Variants in MYO1D observed in about 807,000 individuals in gnomAD.
MYO1D encodes myosin ID, also known as unconventional myosin-Id.
MYO1D carries 83 observed loss-of-function variants against 122.0 expected under a neutral mutation model. That is an observed-to-expected ratio of 0.68 (90% CI 0.57 to 0.82). The LOEUF is 0.82. Ranked by LOEUF, MYO1D falls within the 40% of genes least tolerant of loss-of-function variation. The pLI, the probability that MYO1D is intolerant of heterozygous loss-of-function variation, is 0.00. For missense variants in MYO1D, 1,157 were observed against 1,269.5 expected, an observed-to-expected ratio of 0.91 and a Z score of 1.35; for synonymous variants, 464 against 446.9, an observed-to-expected ratio of 1.04 and a Z score of -0.48.
At chr17:32,497,738 C>G (rs1001201120) in intron 21 of MYO1D, 23 of 152,596 alleles carry the variant, frequency 1.5e-4, no homozygotes, top group African/African-American at 4.8e-4. Flanking sequence ...CACTGCCGGG[C>G]CAGCCCCTCT....
chr17:32,759,905 G>A, intron 10 of MYO1D: 1 of 523,094 alleles, frequency 1.9e-6, no homozygotes, highest in Non-Finnish European at 3.4e-6. Context: ...CTACAAAGTA[G>A]AAGAGGAGAA....
chr17:32,874,247 TTC>T (rs1372824350), intron 1 of MYO1D, among the ~76,000 whole-genome samples: 1 of 148,722 alleles, frequency 6.7e-6, no homozygotes, highest in Non-Finnish European at 1.5e-5. Context: ...TTCTTTTCCT[TTC>T]TTTTTTTCTT....
intron 10 of MYO1D, chr17:32,756,381 T>C (rs2151013764): frequency 4.8e-6 from 1 of 208,694 alleles, no homozygotes; most frequent in Middle Eastern, 1.6e-3. Flanking sequence ...ACAGCCTTAC[T>C]CTGATTCAGC....
chr17:32,699,176 G>A (rs1339636807), intron 16 of MYO1D, among the ~76,000 whole-genome samples: 1 of 151,926 alleles, frequency 6.6e-6, no homozygotes, highest in Admixed American at 6.6e-5. Flanking sequence ...TGTTGGCCAG[G>A]CTGGTCTCGA....
intron 21 of MYO1D, among the ~76,000 whole-genome samples, chr17:32,555,578 A>G (rs561468817): frequency 1.2e-4 from 18 of 151,836 alleles, no homozygotes; most frequent in African/African-American, 4.3e-4. Context: ...TCTGTTGCAT[A>G]AAACCAAAAT....
At chr17:32,873,819 A>G (rs879464394) in intron 1 of MYO1D, among the ~76,000 whole-genome samples, 1 of 152,102 alleles carries the variant, frequency 6.6e-6, no homozygotes, top group Non-Finnish European at 1.5e-5. Flanking sequence ...ATACATACAA[A>G]TACATATACA....
chr17:32,692,198 G>A (rs1294451798), intron 16 of MYO1D, among the ~76,000 whole-genome samples: 1 of 152,108 alleles, frequency 6.6e-6, no homozygotes, highest in Non-Finnish European at 1.5e-5. Flanking sequence ...TTCTGTTTTA[G>A]GTTAGCAAAA....
intron 14 of MYO1D, chr17:32,734,640 G>C (rs2151000450): frequency 1.3e-5 from 2 of 152,232 alleles, no homozygotes; most frequent in Non-Finnish European, 2.9e-5. Flanking sequence ...AATTTCCATT[G>C]TGATTTCTTC....
intron 21 of MYO1D, among the ~76,000 whole-genome samples, chr17:32,531,017 C>T (rs1910493446): frequency 6.6e-6 from 1 of 152,108 alleles, no homozygotes; most frequent in South Asian, 2.1e-4. Flanking sequence ...AGAACTGATC[C>T]TCCCTCACTG....
intron 21 of MYO1D, among the ~76,000 whole-genome samples, chr17:32,503,851 C>A (rs993823896): frequency 1.3e-5 from 2 of 152,164 alleles, no homozygotes; most frequent in East Asian, 3.8e-4. Context: ...AGAAGTAAAT[C>A]CCCCTGCTGA....
chr17:32,542,405 G>A (rs151282130), intron 21 of MYO1D, among the ~76,000 whole-genome samples: 143 of 152,232 alleles, frequency 9.4e-4, no homozygotes, highest in Admixed American at 2.6e-3. Context: ...TCCGTGGTGC[G>A]ACAGGGAGGG....
At chr17:32,640,277 T>A (rs184496704) in intron 19 of MYO1D, among the ~76,000 whole-genome samples, 1 of 152,346 alleles carries the variant, frequency 6.6e-6, no homozygotes, top group East Asian at 1.9e-4. Flanking sequence ...GTCAGAAAAC[T>A]TGAAACACAG....
At chr17:32,834,696 C>T (rs2090804747) in intron 1 of MYO1D, among the ~76,000 whole-genome samples, 1 of 152,178 alleles carries the variant, frequency 6.6e-6, no homozygotes, top group Non-Finnish European at 1.5e-5. Flanking sequence ...TTACCTGCCC[C>T]AAAACAAACA....
At chr17:32,643,504 G>A (rs1014314730) in intron 19 of MYO1D, among the ~76,000 whole-genome samples, 1 of 152,190 alleles carries the variant, frequency 6.6e-6, no homozygotes, top group Admixed American at 6.5e-5. Context: ...AATGGTACCA[G>A]TTCCTCCTTC....
intron 19 of MYO1D, among the ~76,000 whole-genome samples, chr17:32,641,004 T>C (rs528036571): frequency 1.3e-5 from 2 of 152,212 alleles, no homozygotes; most frequent in East Asian, 3.9e-4. Flanking sequence ...GTTACATATG[T>C]ATACACCTGC....
intron 16 of MYO1D, among the ~76,000 whole-genome samples, chr17:32,661,667 AT>A (rs1053692438): frequency 6.9e-6 from 1 of 145,720 alleles, no homozygotes; most frequent in African/African-American, 2.5e-5. Flanking sequence ...AAAAAAAAAA[AT>A]ACCCCCCCAA....
rs755086194 is a variant in MYO1D at position 32,605,056 on chromosome 17, A to G, written c.2864+31T>C. 2.6e-6 allele frequency: 4 copies of G among 1,536,562 alleles called. No individual in the cohort carries two copies. In the East Asian group the frequency reaches 9.2e-5, roughly 35 times the overall value. ...CGATTAAAGATTTCATAGATTTAAAACGTGTCTTAGTTACAAAAATCAAAC... is the reference window on the plus strand; with the variant it reads ...CGATTAAAGATTTCATAGATTTAAAGCGTGTCTTAGTTACAAAAATCAAAC... On this transcript the variant is annotated intron_variant, in intron 21 of 21. Coordinates refer to ENST00000318217, the MANE Select transcript of MYO1D (RefSeq NM_015194.3).
intron 21 of MYO1D, among the ~76,000 whole-genome samples, chr17:32,517,710 C>G (rs962955848): frequency 6.6e-6 from 1 of 152,224 alleles, no homozygotes; most frequent in African/African-American, 2.4e-5. Flanking sequence ...ATAAATGCTC[C>G]AATTAGCTGC....
intron 16 of MYO1D, among the ~76,000 whole-genome samples, chr17:32,660,244 G>A (rs1336458549): frequency 6.6e-6 from 1 of 152,110 alleles, no homozygotes; most frequent in Non-Finnish European, 1.5e-5. Context: ...TCATGCCCCA[G>A]TATATTTATT....
Sources: allele counts gnomAD v4.1 joint callset (sites outside exome capture counted in the v4.1 genomes callset), GRCh38; gene constraint gnomAD v4.1.1; transcripts MANE v1.5; gene names NCBI Gene and HGNC (gene_info 2026-07-23, HGNC 2026-07-21).